DLG2: variants seen among roughly 807,000 people sequenced by gnomAD.
DLG2 encodes discs large MAGUK scaffold protein 2, also known as disks large homolog 2.
Under a neutral mutation model 132.5 loss-of-function variants are expected in DLG2, and 45 were observed. That is an observed-to-expected ratio of 0.34 (90% CI 0.27 to 0.44). The LOEUF (loss-of-function observed/expected upper bound fraction) is 0.44. Ranked by LOEUF, DLG2 falls within the 20% of genes least tolerant of loss-of-function variation. The pLI is 1.00. For missense variants in DLG2, 1,045 were observed against 1,196.9 expected (o/e 0.87, Z 1.87); for synonymous variants, 424 against 419.6 (o/e 1.01, Z -0.13).
At chr11:84,870,481 G>A (rs185579139) in intron 6 of DLG2, among the ~76,000 whole-genome samples, 220 of 152,216 alleles carry the variant, frequency 1.4e-3, no homozygotes, top group Non-Finnish European at 2.8e-3. Context: ...CGATTAATAG[G>A]ATTATGAGAG....
At chr11:85,543,499 C>A (rs1489045071) in intron 3 of DLG2, among the ~76,000 whole-genome samples, 2 of 152,156 alleles carry the variant, frequency 1.3e-5, no homozygotes, top group Admixed American at 6.5e-5. Flanking sequence ...TGGGTATATA[C>A]CCAATAATGG....
intron 4 of DLG2, among the ~76,000 whole-genome samples, chr11:85,232,447 G>C (rs1183644502): frequency 2.0e-5 from 3 of 151,682 alleles, no homozygotes; most frequent in African/African-American, 7.3e-5. Flanking sequence ...CTTTCTCTCA[G>C]AATAAAAGTC....
chr11:85,574,408 C>A (rs180870438), intron 3 of DLG2, among the ~76,000 whole-genome samples: 1 of 151,384 alleles, frequency 6.6e-6, no homozygotes, highest in African/African-American at 2.4e-5. Flanking sequence ...GAATGCCATA[C>A]CTCTAGCTGC....
chr11:84,704,465 A>G (rs940317221), intron 6 of DLG2, among the ~76,000 whole-genome samples: 4 of 151,554 alleles, frequency 2.6e-5, no homozygotes, highest in African/African-American at 7.3e-5. Context: ...TCTCATTAAT[A>G]TAATGGGACT....
chr11:84,809,146 C>T (rs2076295452), intron 6 of DLG2, among the ~76,000 whole-genome samples: 1 of 151,940 alleles, frequency 6.6e-6, no homozygotes, highest in Non-Finnish European at 1.5e-5. Context: ...GAAAATCAAT[C>T]CGTGTACTCA....
At chr11:83,893,776 A>T (rs1275831798) in intron 15 of DLG2, among the ~76,000 whole-genome samples, 8 of 152,210 alleles carry the variant, frequency 5.3e-5, no homozygotes. Flanking sequence ...TTGTTTTCAT[A>T]TTACTACTGC....
At chr11:84,772,711 A>C (rs893201924) in intron 6 of DLG2, among the ~76,000 whole-genome samples, 1 of 152,332 alleles carries the variant, frequency 6.6e-6, no homozygotes, top group South Asian at 2.1e-4. Flanking sequence ...TTGAATAATG[A>C]AATTAAGGCA....
intron 3 of DLG2, among the ~76,000 whole-genome samples, chr11:85,576,821 T>C (rs1171986212): frequency 6.6e-6 from 1 of 151,692 alleles, no homozygotes; most frequent in African/African-American, 2.4e-5. Context: ...TTATCTAGAG[T>C]AACAGAAAAA....
intron 15 of DLG2, among the ~76,000 whole-genome samples, chr11:83,895,418 C>T (rs1279798783): frequency 6.6e-6 from 1 of 152,158 alleles, no homozygotes; most frequent in African/African-American, 2.4e-5. Context: ...CCTCGGCTTT[C>T]CAAAGTGCTG....
intron 15 of DLG2, among the ~76,000 whole-genome samples, chr11:83,878,423 C>T (rs923192299): frequency 6.6e-5 from 10 of 152,136 alleles, no homozygotes; most frequent in African/African-American, 2.4e-4. Flanking sequence ...GTGCTTGCTC[C>T]TCTGAGACAA....
chr11:84,176,231 A>G (rs1239578580), intron 8 of DLG2, among the ~76,000 whole-genome samples: 1 of 151,768 alleles, frequency 6.6e-6, no homozygotes, highest in African/African-American at 2.4e-5. Context: ...TAGAAATTAA[A>G]TAAGCCAATA....
At chr11:83,866,472 T>C (rs181940152) in intron 16 of DLG2, among the ~76,000 whole-genome samples, 2 of 152,282 alleles carry the variant, frequency 1.3e-5, no homozygotes, top group African/African-American at 2.4e-5. Flanking sequence ...ACTAGCTCTT[T>C]AGTGACATCT....
chr11:84,038,721 C>G (rs979295408), intron 11 of DLG2, among the ~76,000 whole-genome samples: 1 of 151,812 alleles, frequency 6.6e-6, no homozygotes, highest in East Asian at 1.9e-4. Flanking sequence ...AAAGATATAC[C>G]CAAGACTTGG....
rs1009712411 is a variant in DLG2, at chr11:85,275,659, G to GA, written c.186+9560dup. Among the ~76,000 whole-genome samples the GA allele has an allele frequency of 6.0e-5, 9 of 150,360 alleles. No homozygotes were observed. In the East Asian group the frequency reaches 7.8e-4, roughly 13 times the overall value. ...AATTTTAAATATTCTGCCCTGTATA[G>GA]AAAAAAAAAGTCCATACTTTTATAT... On this transcript the variant is annotated intron_variant, in intron 4 of 27. Coordinates refer to ENST00000376104, the MANE Select transcript of DLG2 (RefSeq NM_001142699.3).
At chr11:85,591,298 G>T (rs6592253) in intron 3 of DLG2, among the ~76,000 whole-genome samples, 19,398 of 152,202 alleles carry the variant, frequency 0.13, 1,492 homozygotes, top group East Asian at 0.29. Context: ...TATCTAACAG[G>T]ATGCCCTATA....
At position 85,547,084 on chromosome 11, in the gene DLG2, G is replaced by A. The variant is rs1315545037; in HGVS notation, c.40+51573C>T. On this transcript the variant is annotated intron_variant, in intron 3 of 27. Coordinates refer to ENST00000376104, the MANE Select transcript of DLG2 (RefSeq NM_001142699.3). The stretch of plus-strand genomic sequence containing the variant: ...GTTATTTTGCCCATTAGCTGTTGCA[G>A]TTTATTCATAGCGTCGATGGTCTTT... Among the ~76,000 whole-genome samples, 3 of 152,120 alleles carry A rather than the reference G, an allele frequency of 2.0e-5. No individual in the cohort carries two copies. The East Asian group carries it at 5.8e-4, about 29-fold the overall frequency.
In DLG2 at chr11:84,985,942, C is replaced by T. The variant is rs372654825; in HGVS notation, c.357+125719G>A. Among the ~76,000 whole-genome samples the T allele has an allele frequency of 1.6e-3, 187 of 118,214 alleles. 1 individual carries two copies. The South Asian group carries it at 0.038, about 24-fold the overall frequency. 77.6% of individuals were successfully genotyped at this position (118,214 alleles called of 152,430 possible). A position where few individuals can be genotyped will look rare whatever the true frequency, so the allele number is the denominator to read the frequency against. Reference sequence around the variant, plus strand: ...GGGACACGAAGGCTGCAGTGTGCCACGATTGCACCATTGCACTCCAGCCTG... The same window carrying T: ...GGGACACGAAGGCTGCAGTGTGCCATGATTGCACCATTGCACTCCAGCCTG... On this transcript the variant is annotated intron_variant, in intron 6 of 27. Coordinates refer to ENST00000376104, the MANE Select transcript of DLG2 (RefSeq NM_001142699.3).
At chr11:85,600,156 T>C (rs577141336) in intron 2 of DLG2, among the ~76,000 whole-genome samples, 1 of 152,322 alleles carries the variant, frequency 6.6e-6, no homozygotes, top group African/African-American at 2.4e-5. Context: ...TGCACCCACA[T>C]AGTCTGCCTT....
At chr11:85,070,618 G>T (rs977551212) in intron 6 of DLG2, among the ~76,000 whole-genome samples, 1 of 151,748 alleles carries the variant, frequency 6.6e-6, no homozygotes, top group Non-Finnish European at 1.5e-5. Flanking sequence ...CAAAAAGTAA[G>T]TCCCATAGCC....
Sources: gnomAD v4.1 joint callset for allele counts (sites outside exome capture counted in the v4.1 genomes callset) on GRCh38, gnomAD v4.1.1 for gene constraint, MANE v1.5 for transcripts, NCBI Gene and HGNC (gene_info 2026-07-23, HGNC 2026-07-21) for gene names.